The following MAST4 variants were observed in gnomAD, a reference collection of about 807,000 sequenced individuals.
The protein encoded by MAST4 is microtubule-associated serine/threonine-protein kinase 4.
Under a neutral mutation model 162.7 loss-of-function variants are expected in MAST4, and 89 were observed. The observed-to-expected ratio is 0.55, with a 90% CI of 0.46 to 0.65. The LOEUF is 0.65. Among genes scored for constraint, MAST4 ranks in the 30% least tolerant of loss-of-function variants. MAST4 has a pLI of 0.00. For synonymous variants in MAST4, 1,479 were observed against 1,361.1 expected, an observed-to-expected ratio of 1.09 and a Z score of -1.91; for missense variants, 3,153 against 3,374.0, an observed-to-expected ratio of 0.93 and a Z score of 1.62.
chr5:67,036,567 A>G (rs895007889), intron 4 of MAST4, among the ~76,000 whole-genome samples: 2 of 152,206 alleles, frequency 1.3e-5, no homozygotes, highest in African/African-American at 4.8e-5. Context: ...ATAAGATGAC[A>G]TAGTATTTGT....
chr5:67,065,599 C>G (rs1239367258), intron 5 of MAST4, among the ~76,000 whole-genome samples: 1 of 152,166 alleles, frequency 6.6e-6, no homozygotes, highest in East Asian at 1.9e-4. Context: ...AACACAGCCA[C>G]AGTGGCCTGT....
At chr5:66,931,260 TA>T (rs1444806474) in intron 4 of MAST4, among the ~76,000 whole-genome samples, 1 of 152,206 alleles carries the variant, frequency 6.6e-6, no homozygotes, top group Non-Finnish European at 1.5e-5. Context: ...TCCTTATTTT[TA>T]TGGAGTTTCA....
rs149253211 is a variant in MAST4 at position 66,876,492 on chromosome 5, C to T, written c.643-23459C>T. On this transcript the variant is annotated intron_variant, in intron 3 of 28. Coordinates refer to ENST00000403625, the MANE Select transcript of MAST4 (RefSeq NM_001164664.2). The stretch of plus-strand genomic sequence containing the variant: ...TCTGTGGTGGGAGACACTGCAGCTC[C>T]GAGGTCATGTGCCCTATTTTCAAAT... Among the ~76,000 whole-genome samples the T allele has an allele frequency of 2.6e-3, 394 of 152,174 alleles. 3 individuals are homozygous for T. The highest frequency in any genetic ancestry group is 9.3e-3 in the African/African-American group (384 of 41,502).
At chr5:66,797,633 A>G (rs973867997) in intron 3 of MAST4, among the ~76,000 whole-genome samples, 1 of 152,220 alleles carries the variant, frequency 6.6e-6, no homozygotes, top group Non-Finnish European at 1.5e-5. Context: ...GAAATCCAAG[A>G]TCAAGGTGGA....
At chr5:66,709,758 A>T (rs1750377254) in intron 1 of MAST4, among the ~76,000 whole-genome samples, 1 of 152,242 alleles carries the variant, frequency 6.6e-6, no homozygotes, top group South Asian at 2.1e-4. Flanking sequence ...ATTATAAAAA[A>T]TAATCACCAG....
In MAST4 at chr5:66,656,012, T is replaced by G. The variant is rs187432148; in HGVS notation, c.363+58994T>G. 4.7e-4 allele frequency among the ~76,000 whole-genome samples: 72 copies of G among 152,276 alleles called. 1 individual carries two copies. The highest frequency in any genetic ancestry group is 1.6e-3 in the African/African-American group (67 of 41,548). On this transcript the variant is annotated intron_variant, in intron 1 of 28. Transcript: ENST00000403625. Reference sequence around the variant, plus strand: ...AATGGCTTTGAAAGTTCAGTAGTAGTGTATAAAAGCTGGGAATGGCATCTT... The same window carrying G: ...AATGGCTTTGAAAGTTCAGTAGTAGGGTATAAAAGCTGGGAATGGCATCTT...
At chr5:66,803,064 G>T (rs1358007980) in intron 3 of MAST4, among the ~76,000 whole-genome samples, 1 of 152,104 alleles carries the variant, frequency 6.6e-6, no homozygotes, top group Non-Finnish European at 1.5e-5. Flanking sequence ...TGTAATTTTG[G>T]ACATCTGTCC....
At chr5:66,683,699 G>T (rs1468232458) in intron 1 of MAST4, among the ~76,000 whole-genome samples, 2 of 152,184 alleles carry the variant, frequency 1.3e-5, no homozygotes, top group African/African-American at 4.8e-5. Flanking sequence ...TAAGAATTGT[G>T]TGCCCCCAGA....
chr5:66,826,468 G>A (rs1757262092), intron 3 of MAST4, among the ~76,000 whole-genome samples: 1 of 152,090 alleles, frequency 6.6e-6, no homozygotes. Context: ...TCCTCGAAAT[G>A]TCTTCTGATA....
chr5:67,078,692 A>G (rs1250466970), intron 5 of MAST4, among the ~76,000 whole-genome samples: 2 of 130,846 alleles, frequency 1.5e-5, no homozygotes, highest in Non-Finnish European at 3.1e-5. Context: ...ATTTATATTT[A>G]TATATTTATA....
At chr5:66,694,925 G>C (rs561067599) in intron 1 of MAST4, among the ~76,000 whole-genome samples, 6 of 152,074 alleles carry the variant, frequency 3.9e-5, no homozygotes, top group African/African-American at 1.4e-4. Flanking sequence ...TTAGACCTTT[G>C]TTAGATGGAT....
At chr5:66,792,791 G>T (rs2149682600) in intron 3 of MAST4, among the ~76,000 whole-genome samples, 1 of 152,278 alleles carries the variant, frequency 6.6e-6, no homozygotes, top group South Asian at 2.1e-4. Flanking sequence ...AATTTCATTA[G>T]TCTGCTTTTA....
chr5:67,081,393 T>C (rs912454247), intron 5 of MAST4, among the ~76,000 whole-genome samples: 2 of 151,904 alleles, frequency 1.3e-5, no homozygotes, highest in African/African-American at 4.8e-5. Flanking sequence ...GTTTTGAGAA[T>C]ACTTAGAGGT....
chr5:67,058,966 C>T (rs1759210182), intron 5 of MAST4, among the ~76,000 whole-genome samples: 1 of 152,226 alleles, frequency 6.6e-6, no homozygotes, highest in African/African-American at 2.4e-5. Flanking sequence ...TACAGTTCTT[C>T]AGGGCAGAAG....
In MAST4 at chr5:66,596,884, G is replaced by C. The variant is rs6867856; in HGVS notation, c.229G>C (p.Ala77Pro). The C allele has an allele frequency of 8.8e-3, 11,088 of 1,266,040 alleles. 339 individuals carry two copies. Among genetic ancestry groups the C allele is most frequent in the African/African-American group, 0.075 (4,742 of 63,496 alleles). 78.4% of individuals were successfully genotyped at this position (1,266,040 alleles called of 1,614,324 possible). The part of the protein sequence containing the change: ...PPLGGTLGAR[A>P]PAAWAPASVL... ...GTTGGGAGGCACCCTGGGCGCCCGG[G>C]CGCCCGCCGCGTGGGCTCCGGCAAG... Residue 77 changes from alanine (A) to proline (P), a missense_variant, in exon 1 of 29, where the codon GCG (alanine) becomes CCG (proline). Ala to Pro is a conservative substitution (Grantham distance 27). Around this residue, in one of 7 missense-constraint regions of MAST4, gnomAD observed 327 missense variants for 336.5 expected, o/e 0.97. Coordinates refer to ENST00000403625, the MANE Select transcript of MAST4 (RefSeq NM_001164664.2).
At chr5:66,692,676 T>C (rs775639548) in intron 1 of MAST4, among the ~76,000 whole-genome samples, 1 of 152,228 alleles carries the variant, frequency 6.6e-6, no homozygotes, top group East Asian at 1.9e-4. Flanking sequence ...TTGCATATCA[T>C]TCATCGCCTT....
chr5:67,129,742 GGA>G (rs1221318505), intron 14 of MAST4, among the ~76,000 whole-genome samples: 19 of 84 alleles, frequency 0.23, no homozygotes, highest in African/African-American at 0.39. Context: ...AAAAGAAAAA[GGA>G]AAAAAAAGAA....
chr5:67,148,666 G>A (rs1771397105), intron 23 of MAST4, among the ~76,000 whole-genome samples: 1 of 152,230 alleles, frequency 6.6e-6, no homozygotes, highest in Admixed American at 6.5e-5. Flanking sequence ...GGGAGGATCA[G>A]CATATGATAC....
chr5:66,713,690 T>C (rs1381981273), intron 1 of MAST4, among the ~76,000 whole-genome samples: 3 of 152,150 alleles, frequency 2.0e-5, no homozygotes, highest in Non-Finnish European at 4.4e-5. Flanking sequence ...TGCCCTCTTG[T>C]GGGGTATATT....
Sources: gnomAD v4.1 joint callset for allele counts (sites outside exome capture counted in the v4.1 genomes callset) on GRCh38, gnomAD v4.1.1 for gene constraint, gnomAD v4.1.1 regional missense constraint, MANE v1.5 for transcripts, NCBI Gene and HGNC (gene_info 2026-07-23, HGNC 2026-07-21) for gene names.